Variants in IKBKB observed in about 807,000 individuals in gnomAD.
IKBKB encodes the protein inhibitor of nuclear factor kappa B kinase subunit beta, also known as inhibitor of nuclear factor kappa-B kinase subunit beta.
IKBKB carries 42 observed loss-of-function variants against 113.6 expected under a neutral mutation model. That is an observed-to-expected ratio of 0.37 (90% CI 0.29 to 0.48). The LOEUF is 0.48. IKBKB is among the 20% of genes least tolerant of loss of function. The pLI, the probability that IKBKB is intolerant of heterozygous loss-of-function variation, is 0.99. For synonymous variants in IKBKB, 296 were observed against 361.3 expected (o/e 0.82, Z 2.05); for missense variants, 673 against 939.7 (o/e 0.72, Z 3.71).
chr8:42,316,302 G>T lies in IKBKB; in HGVS notation c.893G>T (p.Gly298Val). Residue 298 changes from glycine to valine, a missense_variant, in exon 10 of 22, where the codon GGC (glycine) becomes GTC (valine). Coordinates refer to ENST00000520810, the MANE Select transcript of IKBKB (RefSeq NM_001556.3). The surrounding 1 kb of genome is among the most constrained non-coding windows in gnomAD (Gnocchi z 4.5). ...ACGGATCCCACGTATGGGCCCAATG[G>T]CTGCTTCAAGGCCCTGGATGACATC... is the stretch of plus-strand genomic sequence containing the variant. ...RGTDPTYGPN[G>V]CFKALDDILN... is the part of the protein sequence containing the mutation. 6.2e-7 allele frequency: 1 copy of T among 1,614,184 alleles called. No homozygotes were observed. Among genetic ancestry groups the T allele is most frequent in the Non-Finnish European group, 8.5e-7 (1 of 1,180,034 alleles).
rs748794784 is a variant in IKBKB, at chr8:42,322,331, T to G, written c.1839-16T>G. 1 of 1,613,814 alleles carries G rather than the reference T, an allele frequency of 6.2e-7. No individual in the cohort carries two copies. Among genetic ancestry groups the G allele is most frequent in the Non-Finnish European group, 8.5e-7 (1 of 1,180,000 alleles). On this transcript the variant is annotated splice_polypyrimidine_tract_variant and intron_variant, in intron 18 of 21. Transcript: ENST00000520810. ...CAGCCCAAATGCCATTAGTTTGCCA[T>G]GTTTATTCTTTGCAGTAAAACTGTG...
At chr8:42,323,186 G>A (rs1048955182) in intron 19 of IKBKB, among the ~76,000 whole-genome samples, 4 of 152,224 alleles carry the variant, frequency 2.6e-5, no homozygotes, top group Non-Finnish European at 5.9e-5. Flanking sequence ...GTCATCTCAG[G>A]TTCTCTAAAG....
At chr8:42,320,657 G>T in intron 15 of IKBKB, 78 bp from the exon 16 acceptor site, 1 of 1,172,396 alleles carries the variant, frequency 8.5e-7, no homozygotes, top group East Asian at 2.4e-5. Flanking sequence ...CGGGTCCCCT[G>T]GTCTCGCTCC....
chr8:42,320,052 G>A (rs1474877929), intron 15 of IKBKB: 10 of 170,514 alleles, frequency 5.9e-5, no homozygotes, highest in Non-Finnish European at 1.2e-4. Flanking sequence ...TCAGGGCAGC[G>A]TAAATCAGAT....
At chr8:42,302,814 A>G (rs1398915620) in intron 5 of IKBKB, among the ~76,000 whole-genome samples, 1 of 151,986 alleles carries the variant, frequency 6.6e-6, no homozygotes, top group African/African-American at 2.4e-5. Context: ...GATACTCATC[A>G]TGTATAGCTT....
intron 13 of IKBKB, 65 bp from the exon 14 acceptor site, chr8:42,319,205 A>G: frequency 6.8e-7 from 1 of 1,476,398 alleles, no homozygotes; most frequent in Non-Finnish European, 9.4e-7. Flanking sequence ...GGGTTTTGTT[A>G]TTGTACAGGA....
intron 2 of IKBKB, among the ~76,000 whole-genome samples, chr8:42,281,121 A>G (rs1810291524): frequency 6.6e-6 from 1 of 152,104 alleles, no homozygotes; most frequent in Non-Finnish European, 1.5e-5. Context: ...GTGGCATCTG[A>G]GCTGGGTTCC....
intron 5 of IKBKB, among the ~76,000 whole-genome samples, chr8:42,302,987 G>A (rs546736783): frequency 1.3e-5 from 2 of 151,936 alleles, no homozygotes; most frequent in South Asian, 4.2e-4. Context: ...CTGCACAGAG[G>A]GCCGTACCCA....
chr8:42,325,865 T>C (rs2130712086), intron 19 of IKBKB, 105 bp from the exon 20 acceptor site: 1 of 1,556,710 alleles, frequency 6.4e-7, no homozygotes, highest in South Asian at 1.2e-5. Context: ...GGGTTAGCTC[T>C]GGCCTCTGGC....
chr8:42,276,274 T>C (rs879422481), intron 2 of IKBKB, among the ~76,000 whole-genome samples: 18 of 152,246 alleles, frequency 1.2e-4, no homozygotes, highest in Non-Finnish European at 2.2e-4. Context: ...GTCTTTCTGA[T>C]AATAGCCATT....
At chr8:42,284,169 T>C (rs1810919767) in intron 2 of IKBKB, among the ~76,000 whole-genome samples, 1 of 152,118 alleles carries the variant, frequency 6.6e-6, no homozygotes, top group Non-Finnish European at 1.5e-5. Flanking sequence ...AAGTCCAAGG[T>C]CAAGGCATCA....
At chr8:42,288,813 G>A (rs1279348822) in intron 3 of IKBKB, 85 bp downstream of exon 3, 12 of 1,103,666 alleles carry the variant, frequency 1.1e-5, no homozygotes, top group Admixed American at 4.1e-5. Context: ...TGCTGGGTGC[G>A]TGGCTCACGC....
At chr8:42,325,836 T>C in intron 19 of IKBKB, 134 bp from the exon 20 acceptor site, 1 of 1,491,464 alleles carries the variant, frequency 6.7e-7, no homozygotes, top group Non-Finnish European at 8.9e-7. Flanking sequence ...CAGGTGGGGG[T>C]GCCAACTGGT....
At chr8:42,275,449 T>G (rs1239954044) in intron 2 of IKBKB, among the ~76,000 whole-genome samples, 1 of 152,172 alleles carries the variant, frequency 6.6e-6, no homozygotes, top group Admixed American at 6.5e-5. Context: ...CCTCTCAAAG[T>G]GCTGGGATTA....
In IKBKB at chr8:42,332,025, G is replaced by A. The variant is rs1821736316; in HGVS notation, c.*1046G>A. 2 of 155,094 alleles carry A rather than the reference G, an allele frequency of 1.3e-5. No homozygotes were observed. The highest frequency in any genetic ancestry group is 2.9e-5 in the Non-Finnish European group (2 of 69,672). The allele number at this position is 155,094 out of a possible 1,614,324, so 9.6% of individuals were successfully genotyped here. A position where few individuals can be genotyped will look rare whatever the true frequency, so the allele number is the denominator to read the frequency against. On this transcript the variant is annotated 3_prime_UTR_variant, in exon 22 of 22. Transcript: ENST00000520810. ...AAATAATGGAAAATTTTAACAATTT[G>A]TATAGTGCCTGGATCATTACTAGTG...
chr8:42,284,992 G>T (rs1036513666), intron 2 of IKBKB, among the ~76,000 whole-genome samples: 2 of 151,522 alleles, frequency 1.3e-5, no homozygotes, highest in African/African-American at 2.4e-5. Flanking sequence ...GAGTAGCTAG[G>T]ATTACAGGCA....
intron 21 of IKBKB, chr8:42,329,810 G>A (rs2130738984): frequency 4.1e-6 from 4 of 985,348 alleles, no homozygotes; most frequent in South Asian, 9.4e-5. Context: ...CAAGTTACAG[G>A]TACATTAAGA....
intron 3 of IKBKB, among the ~76,000 whole-genome samples, chr8:42,289,108 G>A (rs910062154): frequency 5.9e-5 from 9 of 152,158 alleles, no homozygotes; most frequent in African/African-American, 1.7e-4. Context: ...TCAGCCGCTC[G>A]GGTGGCTGAG....
chr8:42,325,577 G>T (rs1820580514), intron 19 of IKBKB: 1 of 747,098 alleles, frequency 1.3e-6, no homozygotes, highest in Non-Finnish European at 1.7e-6. Context: ...TACTTGGGAA[G>T]CTGAGGCAGG....
Sources: gnomAD v4.1 joint callset for allele counts (sites outside exome capture counted in the v4.1 genomes callset) on GRCh38, gnomAD v4.1.1 for gene constraint, Gnocchi (gnomAD v3.1) non-coding constraint, MANE v1.5 for transcripts, NCBI Gene and HGNC (gene_info 2026-07-23, HGNC 2026-07-21) for gene names.